Variants in SH3BP5 observed in about 807,000 individuals in gnomAD.
The protein encoded by SH3BP5 is SH3 domain-binding protein 5.
In SH3BP5, 22 loss-of-function variants were observed where a neutral mutation model predicts 43.3. That is an observed-to-expected ratio of 0.51 (90% CI 0.36 to 0.73). The LOEUF is 0.73. SH3BP5 is among the 30% of genes least tolerant of loss of function. The pLI is 0.00. For synonymous variants in SH3BP5, 255 were observed against 225.8 expected (o/e 1.13, Z -1.16); for missense variants, 529 against 586.9 (o/e 0.90, Z 1.02).
intron 3 of SH3BP5, among the ~76,000 whole-genome samples, chr3:15,291,570 G>A (rs1340476000): frequency 2.6e-5 from 4 of 152,056 alleles, no homozygotes; most frequent in Non-Finnish European, 5.9e-5. Flanking sequence ...TCTTACTTCT[G>A]GCTTAAACTC....
chr3:15,258,648 G>A, intron 7 of SH3BP5, 183 bp downstream of exon 7: 1 of 580,290 alleles, frequency 1.7e-6, no homozygotes, highest in Non-Finnish European at 3.0e-6. Context: ...CTGACTTTGA[G>A]GAACACTTAG....
At chr3:15,302,145 G>T (rs1697771257) in intron 3 of SH3BP5, among the ~76,000 whole-genome samples, 1 of 152,182 alleles carries the variant, frequency 6.6e-6, no homozygotes, top group South Asian at 2.1e-4. Flanking sequence ...TTCAGGTCAA[G>T]AATGATACAA....
Position 15,256,935 on chromosome 3 carries a change from T to A in SH3BP5, c.1068A>T (p.Ser356=). ...ACACTGGGAACATCATCCCAAACTC[T>A]GACAGGGACACAGGGCTGGGCAGAT... ...SLDLPSPVSL[S]EFGMMFPVLG... is the part of the protein sequence containing the mutation. The change falls in exon 8 of 9, where the codon TCA becomes TCT. Residue 356 remains serine (S), a synonymous_variant. Coordinates refer to ENST00000383791, the MANE Select transcript of SH3BP5 (RefSeq NM_004844.5). 1 of 1,614,112 alleles carries A rather than the reference T, an allele frequency of 6.2e-7. No individual in the cohort carries two copies. Among genetic ancestry groups the A allele is most frequent in the Non-Finnish European group, 8.5e-7 (1 of 1,179,952 alleles).
At position 15,255,148 on chromosome 3, in the gene SH3BP5, C is replaced by G. The variant is rs1696149027; in HGVS notation, c.*938G>C. 6.6e-6 allele frequency: 1 copy of G among 152,628 alleles called. No individual in the cohort carries two copies. The highest frequency in any genetic ancestry group is 2.1e-4 in the South Asian group (1 of 4,830). The allele number at this position is 152,628 out of a possible 1,614,324, so 9.5% of individuals were successfully genotyped here. A position where few individuals can be genotyped will look rare whatever the true frequency, so the allele number is the denominator to read the frequency against. ...AACTACTATTAACAGCCTTTGCCAA[C>G]ACATGCCTGCCTACTCCCTTTCCTA... On this transcript the variant is annotated 3_prime_UTR_variant, in exon 9 of 9. Transcript: ENST00000383791.
intron 7 of SH3BP5, chr3:15,258,530 CTCT>C (rs1696309247): frequency 2.4e-6 from 1 of 424,182 alleles, no homozygotes; most frequent in Non-Finnish European, 4.3e-6. Flanking sequence ...CTGATTACAG[CTCT>C]TCTTTCCTGC....
chr3:15,320,283 G>A (rs1433073172), intron 2 of SH3BP5, among the ~76,000 whole-genome samples: 1 of 151,968 alleles, frequency 6.6e-6, no homozygotes, highest in Admixed American at 6.6e-5. Context: ...TTCTGTTAGA[G>A]CAAACATTAA....
In SH3BP5 at chr3:15,263,395, C is replaced by T. The variant is rs1226067605; in HGVS notation, c.496-1106G>A. ...ATGGCAGTCAAGCCAGCAAAGCAGCCATGACTTCCATTGTTTGGTCCTTTC... is the reference window on the plus strand; with the variant it reads ...ATGGCAGTCAAGCCAGCAAAGCAGCTATGACTTCCATTGTTTGGTCCTTTC... On this transcript the variant is annotated intron_variant, in intron 4 of 8. Coordinates refer to ENST00000383791, the MANE Select transcript of SH3BP5 (RefSeq NM_004844.5). Among the ~76,000 whole-genome samples, 5 of 152,216 alleles carry T rather than the reference C, an allele frequency of 3.3e-5. No individual in the cohort carries two copies. In the East Asian group the frequency reaches 9.6e-4, roughly 29 times the overall value.
At chr3:15,340,284 A>C (rs1698750774) in intron 1 of SH3BP5, among the ~76,000 whole-genome samples, 1 of 152,236 alleles carries the variant, frequency 6.6e-6, no homozygotes, top group Non-Finnish European at 1.5e-5. Flanking sequence ...AACTTAAAAT[A>C]ATGTTAAGAA....
chr3:15,294,780 A>T (rs1195308593), intron 3 of SH3BP5, among the ~76,000 whole-genome samples: 1 of 152,170 alleles, frequency 6.6e-6, no homozygotes, highest in Non-Finnish European at 1.5e-5. Context: ...TAAGCCCCCT[A>T]ACTCAAGAGC....
At chr3:15,260,128 G>T in intron 5 of SH3BP5, 2 of 369,922 alleles carry the variant, frequency 5.4e-6, no homozygotes, top group Non-Finnish European at 1.0e-5. Flanking sequence ...AGCCTCACAG[G>T]TTATACCCAG....
chr3:15,257,063 C>T lies in SH3BP5; in HGVS notation c.940G>A (p.Asp314Asn). 1.9e-6 allele frequency: 3 copies of T among 1,614,222 alleles called. No individual in the cohort carries two copies. The highest frequency in any genetic ancestry group is 1.7e-6 in the Non-Finnish European group (2 of 1,180,038). The change falls in exon 8 of 9, where the codon GAT becomes AAT. Residue 314 changes from aspartate (D) to asparagine (N), a missense_variant. By Grantham distance (23) the Asp-to-Asn change is conservative. This residue lies in a region of SH3BP5 where 369 missense variants were observed against 384.3 expected (regional missense o/e 0.96). Transcript: ENST00000383791. ...DDSCSNFVSE[D>N]DSETQSVSSF... ...GACACGGACTGGGTTTCCGAGTCAT[C>T]TTCAGACACAAAGTTGCTACAGCTG...
At chr3:15,320,054 G>GA (rs1227247085) in intron 2 of SH3BP5, among the ~76,000 whole-genome samples, 1 of 152,134 alleles carries the variant, frequency 6.6e-6, no homozygotes, top group African/African-American at 2.4e-5. Flanking sequence ...TCAAGTAAGA[G>GA]AACATTAAAT....
At chr3:15,278,481 C>T (rs1697033306) in intron 3 of SH3BP5, among the ~76,000 whole-genome samples, 1 of 152,138 alleles carries the variant, frequency 6.6e-6, no homozygotes, top group South Asian at 2.1e-4. Context: ...TGCAAGCTGC[C>T]CATCCTGCAC....
chr3:15,277,290 A>T (rs1696999329), intron 3 of SH3BP5, among the ~76,000 whole-genome samples: 1 of 152,146 alleles, frequency 6.6e-6, no homozygotes, highest in African/African-American at 2.4e-5. Flanking sequence ...AACTTCTATT[A>T]AACACCACTT....
chr3:15,284,114 C>T (rs1246716983), intron 3 of SH3BP5, among the ~76,000 whole-genome samples: 11 of 152,128 alleles, frequency 7.2e-5, no homozygotes, highest in African/African-American at 2.2e-4. Context: ...TTAAGTTTGA[C>T]GTTTCAGTGA....
intron 4 of SH3BP5, 69 bp downstream of exon 4, chr3:15,269,644 C>T (rs1696742009): frequency 2.1e-6 from 3 of 1,455,058 alleles, no homozygotes; most frequent in Non-Finnish European, 2.7e-6. Context: ...AGTCTGTTAC[C>T]TCCGCTCAGG....
At chr3:15,327,570 C>G (rs964706737) in intron 2 of SH3BP5, among the ~76,000 whole-genome samples, 3 of 152,236 alleles carry the variant, frequency 2.0e-5, no homozygotes, top group African/African-American at 7.2e-5. Flanking sequence ...CAGCAGCGCC[C>G]CTCCAGTGTC....
At chr3:15,328,379 G>A (rs1211132976) in intron 2 of SH3BP5, among the ~76,000 whole-genome samples, 3 of 151,516 alleles carry the variant, frequency 2.0e-5, no homozygotes, top group Admixed American at 6.6e-5. Flanking sequence ...AACAGTGGCC[G>A]GCACATAGTA....
At chr3:15,273,409 C>T in intron 3 of SH3BP5, 2 of 985,336 alleles carry the variant, frequency 2.0e-6, no homozygotes, top group Non-Finnish European at 2.4e-6. Flanking sequence ...CAGATCTCTA[C>T]AAAGGAAAAG....
Sources: allele counts gnomAD v4.1 joint callset (sites outside exome capture counted in the v4.1 genomes callset), GRCh38; gene constraint gnomAD v4.1.1; regional missense constraint gnomAD v4.1.1; transcripts MANE v1.5; gene names NCBI Gene and HGNC (gene_info 2026-07-23, HGNC 2026-07-21).